Variants in CILK1 observed in about 807,000 individuals in gnomAD.
CILK1 encodes serine/threonine-protein kinase ICK.
In CILK1, 47 loss-of-function variants were observed where a neutral mutation model predicts 79.2. The observed-to-expected ratio is 0.59, with a 90% confidence interval of 0.47 to 0.76. CILK1 has a LOEUF of 0.76. Ranked by LOEUF, CILK1 falls within the 30% of genes least tolerant of loss-of-function variation. The probability of loss-of-function intolerance (pLI) is 0.00; values close to 1 mark genes in which losing one functional copy is unlikely to be tolerated. For missense variants in CILK1, 660 were observed against 769.5 expected (o/e 0.86, Z 1.68); for synonymous variants, 266 against 275.9 (o/e 0.96, Z 0.36).
intron 5 of CILK1, among the ~76,000 whole-genome samples, chr6:53,026,904 G>A (rs1765616167): frequency 6.6e-6 from 1 of 152,116 alleles, no homozygotes; most frequent in Non-Finnish European, 1.5e-5. Flanking sequence ...CTTTCATCCT[G>A]GCAGAAAATG....
At position 53,002,528 on chromosome 6, in the gene CILK1, C is replaced by G. The variant is rs1003998818; in HGVS notation, c.*2621G>C. The G allele has an allele frequency of 2.6e-5, 4 of 152,174 alleles. No individual in the cohort carries two copies. Among genetic ancestry groups the G allele is most frequent in the Non-Finnish European group, 4.4e-5 (3 of 68,026 alleles). 9.4% of individuals were successfully genotyped at this position (152,174 alleles called of 1,614,324 possible). A position where few individuals can be genotyped will look rare whatever the true frequency, so the allele number is the denominator to read the frequency against. ...TGCAGGTTCTCAGTCAGAACAGAAA[C>G]AGAGAGACAAAAGAAATGGTTACTA... is the stretch of plus-strand genomic sequence containing the variant. On this transcript the variant is annotated 3_prime_UTR_variant, in exon 14 of 14. Transcript: ENST00000676107.
At chr6:53,058,441 CAT>C (rs893347824) in intron 1 of CILK1, among the ~76,000 whole-genome samples, 2 of 152,166 alleles carry the variant, frequency 1.3e-5, no homozygotes, top group African/African-American at 2.4e-5. Context: ...TTCTAGAACA[CAT>C]GTGCTTTTAT....
At chr6:53,032,418 A>G (rs1766028174) in intron 4 of CILK1, 115 bp downstream of exon 4, 1 of 444,362 alleles carries the variant, frequency 2.3e-6, no homozygotes, top group Non-Finnish European at 3.4e-6. Flanking sequence ...AATAAAATAA[A>G]AAATAAAAAA....
chr6:53,041,317 T>A lies in CILK1; in HGVS notation c.-81A>T. 1.1e-6 allele frequency: 1 copy of A among 948,104 alleles called. No homozygotes were observed. The highest frequency in any genetic ancestry group is 1.7e-6 in the Non-Finnish European group (1 of 583,856). 58.7% of individuals were successfully genotyped at this position (948,104 alleles called of 1,614,324 possible). A position where few individuals can be genotyped will look rare whatever the true frequency, so the allele number is the denominator to read the frequency against. ...AGTGGTAGCAGTCCTCCCCAGAGTG[T>A]AACCAGATTTTTCGATGGCAGCACC... On this transcript the variant is annotated 5_prime_UTR_variant, in exon 2 of 14. Transcript: ENST00000676107.
intron 1 of CILK1, among the ~76,000 whole-genome samples, chr6:53,052,802 C>T (rs1263559853): frequency 1.3e-5 from 2 of 151,700 alleles, no homozygotes; most frequent in South Asian, 2.1e-4. Flanking sequence ...TCTCTGGAAA[C>T]ACTGAAGGTC....
chr6:53,041,944 T>C (rs774124838), intron 1 of CILK1, among the ~76,000 whole-genome samples: 2 of 152,150 alleles, frequency 1.3e-5, no homozygotes, highest in African/African-American at 2.4e-5. Flanking sequence ...TATTTATAGC[T>C]CACATCCATT....
chr6:53,044,959 T>C (rs1766962925), intron 1 of CILK1, among the ~76,000 whole-genome samples: 1 of 152,256 alleles, frequency 6.6e-6, no homozygotes, highest in Non-Finnish European at 1.5e-5. Context: ...ATGTTATGTA[T>C]GGTAGCCCAG....
At chr6:53,014,193 A>G (rs960915215) in intron 8 of CILK1, among the ~76,000 whole-genome samples, 1 of 152,240 alleles carries the variant, frequency 6.6e-6, no homozygotes, top group Non-Finnish European at 1.5e-5. Context: ...AGTTATTTAT[A>G]TATAGTAGCC....
Position 53,031,909 on chromosome 6 carries a change from C to T in CILK1, c.278+624G>A, listed in dbSNP as rs1182499259. ...AGTGCAATGGTGCGATGTCCGCTCA[C>T]CCCAACCTCTGCCTCCCATGTTCAA... On this transcript the variant is annotated intron_variant, in intron 4 of 13. Coordinates refer to ENST00000676107, the MANE Select transcript of CILK1 (RefSeq NM_014920.5). 6.6e-5 allele frequency among the ~76,000 whole-genome samples: 10 copies of T among 152,296 alleles called. No individual in the cohort carries two copies. In the East Asian group the frequency reaches 1.9e-3, roughly 29 times the overall value.
intron 1 of CILK1, among the ~76,000 whole-genome samples, chr6:53,053,878 G>A (rs916713341): frequency 6.6e-6 from 1 of 152,080 alleles, no homozygotes; most frequent in Non-Finnish European, 1.5e-5. Context: ...GCATCTCTTG[G>A]TCCTTGAGTT....
rs908235676 is a variant in CILK1, at chr6:53,055,862, A to T, written c.-173+5734T>A. ...AGAACTGAAGTAAAGGCGAAATGTT[A>T]AAAAAAATAAAAAATAAAAAAACAG... On this transcript the variant is annotated intron_variant, in intron 1 of 13. Coordinates refer to ENST00000676107, the MANE Select transcript of CILK1 (RefSeq NM_014920.5). Among the ~76,000 whole-genome samples, 6 of 152,164 alleles carry T rather than the reference A, an allele frequency of 3.9e-5. No homozygotes were observed. The South Asian group carries it at 1.2e-3, about 32-fold the overall frequency.
At chr6:53,041,591 T>C (rs1766715669) in intron 1 of CILK1, among the ~76,000 whole-genome samples, 183 bp from the exon 2 acceptor site, 1 of 152,236 alleles carries the variant, frequency 6.6e-6, no homozygotes, top group Admixed American at 6.5e-5. Flanking sequence ...AAGCCCAAAG[T>C]ACAGCAGGTT....
Position 53,013,662 on chromosome 6 carries a change from C to T in CILK1, c.1152G>A (p.Ser384=), listed in dbSNP as rs753577509. The T allele has an allele frequency of 1.5e-5, 25 of 1,613,858 alleles. No homozygotes were observed. The highest frequency in any genetic ancestry group is 1.6e-4 in the Middle Eastern group (1 of 6,084). Residue 384 remains serine (S), a splice_region_variant and synonymous_variant, in exon 9 of 14, where the codon TCG becomes TCA. Coordinates refer to ENST00000676107, the MANE Select transcript of CILK1 (RefSeq NM_014920.5). ...TCACTGGTGAATCTGGGCTGCTCAC[C>T]GACTGTGGATGCTTGTTGTGGAGGG... ...FPSLHNKHPQ[S]KITAGLEHKN... is the part of the protein sequence containing the mutation.
Position 53,001,783 on chromosome 6 carries a change from AAAT to A in CILK1, c.*3363_*3365del, listed in dbSNP as rs1291357835. ...GCTACAGTATGGTTTAAATGATATA[AAAT>A]AATTAGTATGTCAAACATCTTCTTA... On this transcript the variant is annotated 3_prime_UTR_variant, in exon 14 of 14. Transcript: ENST00000676107. The A allele has an allele frequency of 6.6e-6, 1 of 152,670 alleles. No individual in the cohort carries two copies. The highest frequency in any genetic ancestry group is 1.5e-5 in the Non-Finnish European group (1 of 68,052). The allele number at this position is 152,670 out of a possible 1,614,324, so 9.5% of individuals were successfully genotyped here.
intron 13 of CILK1, among the ~76,000 whole-genome samples, chr6:53,005,789 C>T (rs1350706737): frequency 2.6e-5 from 4 of 152,126 alleles, no homozygotes; most frequent in Non-Finnish European, 4.4e-5. Context: ...AGGGACTCCA[C>T]GTCACTCAGA....
In CILK1 at chr6:53,013,933, G is replaced by A. The variant is rs1764744622; in HGVS notation, c.881C>T (p.Thr294Ile). The change falls in exon 9 of 14, where the codon ACA becomes ATA. Residue 294 changes from threonine (T) to isoleucine (I), a missense_variant. By Grantham distance (89) the Thr-to-Ile change is moderately conservative. Coordinates refer to ENST00000676107, the MANE Select transcript of CILK1 (RefSeq NM_014920.5). ...FQVGHPLGST[T>I]QNLQDSEKPQ... Reference sequence around the variant, plus strand: ...TTTTTCTGAATCCTGAAGGTTTTGTGTGGTGCTGCCTAGTGGGTGTCCAAC... The same window carrying A: ...TTTTTCTGAATCCTGAAGGTTTTGTATGGTGCTGCCTAGTGGGTGTCCAAC... 1.2e-6 allele frequency: 2 copies of A among 1,613,978 alleles called. No individual in the cohort carries two copies. Among genetic ancestry groups the A allele is most frequent in the South Asian group, 1.1e-5 (1 of 91,072 alleles).
chr6:53,038,990 G>A (rs1368066675), intron 2 of CILK1, among the ~76,000 whole-genome samples: 1 of 152,226 alleles, frequency 6.6e-6, no homozygotes, highest in Non-Finnish European at 1.5e-5. Context: ...TGAGGAAACA[G>A]AAACAGAGAA....
intron 5 of CILK1, among the ~76,000 whole-genome samples, chr6:53,022,382 C>A (rs903881496): frequency 1.3e-5 from 2 of 152,050 alleles, no homozygotes; most frequent in African/African-American, 4.8e-5. Context: ...TTTACTGTAC[C>A]TTTTCTATGT....
chr6:53,032,794 G>A (rs1183106710), intron 3 of CILK1, 140 bp from the exon 4 acceptor site: 2 of 618,414 alleles, frequency 3.2e-6, no homozygotes, highest in Non-Finnish European at 2.7e-6. Flanking sequence ...ATATTTTATT[G>A]ACAGTTTAAT....
Sources: gnomAD v4.1 joint callset for allele counts (sites outside exome capture counted in the v4.1 genomes callset) on GRCh38, gnomAD v4.1.1 for gene constraint, MANE v1.5 for transcripts, NCBI Gene and HGNC (gene_info 2026-07-23, HGNC 2026-07-21) for gene names.